The following OR2B6 variants were observed in gnomAD, a reference collection of about 807,000 sequenced individuals.
OR2B6 encodes olfactory receptor family 2 subfamily B member 6.
For synonymous variants in OR2B6, 130 were observed against 142.7 expected (o/e 0.91, Z 0.63); for missense variants, 350 against 368.9 (o/e 0.95, Z 0.42).
In OR2B6 at chr6:27,958,166, T is replaced by G; in HGVS notation, c.926T>G (p.Phe309Cys). Residue 309 changes from phenylalanine to cysteine, a missense_variant, in exon 1 of 1, where the codon TTC becomes TGC. Phe to Cys is a radical substitution (Grantham distance 205). Coordinates refer to ENST00000244623, the MANE Select transcript of OR2B6 (RefSeq NM_012367.1). ...TTTAAAAGGTTGGTTGCAAGAGTCT[T>G]CTTAATCAAGAAATAAGAAATATGC... ...EGFKRLVARV[F>C]LIKK The G allele has an allele frequency of 6.2e-7, 1 of 1,611,542 alleles. No individual in the cohort carries two copies. Among genetic ancestry groups the G allele is most frequent in the South Asian group, 1.1e-5 (1 of 90,800 alleles).
Position 27,957,842 on chromosome 6 carries a change from T to C in OR2B6, c.602T>C (p.Leu201Pro). Reference sequence around the variant, plus strand: ...ACAGCAAATGAGGCTGAACTATTCCTTGTCAGTGAGCTCTTCCATCTAATA... The same window carrying C: ...ACAGCAAATGAGGCTGAACTATTCCCTGTCAGTGAGCTCTTCCATCTAATA... ...ETTANEAELF[L>P]VSELFHLIPL... is the part of the protein sequence containing the mutation. Residue 201 changes from leucine to proline, a missense_variant, in exon 1 of 1, where the codon CTT becomes CCT. Physicochemically the swap from Leu to Pro is moderately conservative, Grantham distance 98. Transcript: ENST00000244623. 1 of 1,614,086 alleles carries C rather than the reference T, an allele frequency of 6.2e-7. No homozygotes were observed.
chr6:27,957,723 C>T lies in OR2B6; in HGVS notation c.483C>T (p.Thr161=). ...TTAGTAACTCAGTGTGGTTGTCTAC[C>T]CTGACTCTCCAGCTGCCACTCTGTG... ...TGFSNSVWLS[T]LTLQLPLCDP... Residue 161 remains threonine, a synonymous_variant, in exon 1 of 1, where the codon ACC becomes ACT. Transcript: ENST00000244623. 1.2e-6 allele frequency: 2 copies of T among 1,613,972 alleles called. No homozygotes were observed. The highest frequency in any genetic ancestry group is 1.7e-6 in the Non-Finnish European group (2 of 1,179,956).
Position 27,957,255 on chromosome 6 carries a change from T to A in OR2B6, c.15T>A (p.Asn5Lys). 1 of 1,597,438 alleles carries A rather than the reference T, an allele frequency of 6.3e-7. No homozygotes were observed. Among genetic ancestry groups the A allele is most frequent in the Non-Finnish European group, 8.5e-7 (1 of 1,171,424 alleles). Residue 5 changes from asparagine (N) to lysine (K), a missense_variant, in exon 1 of 1, where the codon AAT (asparagine) becomes AAA (lysine). Physicochemically the swap from Asn to Lys is moderately conservative, Grantham distance 94 (BLOSUM62 0). Transcript: ENST00000244623. Reference sequence around the variant, plus strand: ...AAACATTAATCATGAATTGGGTAAATGACAGCATCATACAGGAGTTTATTC... The same window carrying A: ...AAACATTAATCATGAATTGGGTAAAAGACAGCATCATACAGGAGTTTATTC... MNWV[N>K]DSIIQEFILL...
rs374107718 is a variant in OR2B6, at chr6:27,957,824, A to G, written c.584A>G (p.Asn195Ser). 6.2e-7 allele frequency: 1 copy of G among 1,614,126 alleles called. No individual in the cohort carries two copies. Among genetic ancestry groups the G allele is most frequent in the Non-Finnish European group, 8.5e-7 (1 of 1,179,994 alleles). The change falls in exon 1 of 1, where the codon AAT becomes AGT. Residue 195 changes from asparagine to serine, a missense_variant. Asn to Ser is a conservative substitution (Grantham distance 46, BLOSUM62 1). Transcript: ENST00000244623. The stretch of plus-strand genomic sequence containing the variant: ...TTATCTTGTGTTGAGACAACAGCAA[A>G]TGAGGCTGAACTATTCCTTGTCAGT... ...LKLSCVETTA[N>S]EAELFLVSEL...
Position 27,957,625 on chromosome 6 carries a change from C to T in OR2B6, c.385C>T (p.Pro129Ser). 2.5e-6 allele frequency: 4 copies of T among 1,614,042 alleles called. No individual in the cohort carries two copies. The highest frequency in any genetic ancestry group is 3.4e-6 in the Non-Finnish European group (4 of 1,179,976). ...TGATAGGTTTGTAGCTATTTGTCGG[C>T]CTCTCCATTACTCAGTTATCATGCA... The part of the protein sequence containing the change: ...SFDRFVAICR[P>S]LHYSVIMHQR... Residue 129 changes from proline to serine, a missense_variant, in exon 1 of 1, where the codon CCT (proline) becomes TCT (serine). By Grantham distance (74) the Pro-to-Ser change is moderately conservative (BLOSUM62 -1). Coordinates refer to ENST00000244623, the MANE Select transcript of OR2B6 (RefSeq NM_012367.1).
Position 27,957,407 on chromosome 6 carries a change from A to G in OR2B6, c.167A>G (p.His56Arg). The G allele has an allele frequency of 1.2e-6, 2 of 1,614,064 alleles. No individual in the cohort carries two copies. The highest frequency in any genetic ancestry group is 1.7e-6 in the Non-Finnish European group (2 of 1,179,982). Residue 56 changes from histidine to arginine, a missense_variant, in exon 1 of 1, where the codon CAT becomes CGT. By Grantham distance (29) the His-to-Arg change is conservative (BLOSUM62 0). Transcript: ENST00000244623. ...GTGTCACGCCTGGACACCAAACTTC[A>G]TACCCCCATGTATTTTTTTCTTACC... ...ILVSRLDTKL[H>R]TPMYFFLTNL... is the part of the protein sequence containing the mutation.
chr6:27,957,990 T>G lies in OR2B6; in HGVS notation c.750T>G (p.Leu250=), dbSNP rs1464288014. 4.3e-6 allele frequency: 7 copies of G among 1,613,916 alleles called. No homozygotes were observed. The highest frequency in any genetic ancestry group is 5.9e-6 in the Non-Finnish European group (7 of 1,179,940). ...TCGSHLIVVS[L]FYSTAVSVYL... Reference sequence around the variant, plus strand: ...GTTCCCATCTAATTGTGGTGTCTCTTTTTTATAGTACAGCCGTCTCTGTGT... The same window carrying G: ...GTTCCCATCTAATTGTGGTGTCTCTGTTTTATAGTACAGCCGTCTCTGTGT... The change falls in exon 1 of 1, where the codon CTT becomes CTG. Residue 250 remains leucine, a synonymous_variant. Coordinates refer to ENST00000244623, the MANE Select transcript of OR2B6 (RefSeq NM_012367.1).
chr6:27,958,038 C>T lies in OR2B6; in HGVS notation c.798C>T (p.Ser266=), dbSNP rs141737482. Reference sequence around the variant, plus strand: ...TGTACCTGCAACCACCTTCGCCCAGCTCCAAGGACCAAGGAAAGATGGTTT... The same window carrying T: ...TGTACCTGCAACCACCTTCGCCCAGTTCCAAGGACCAAGGAAAGATGGTTT... ...VSVYLQPPSP[S]SKDQGKMVSL... is the part of the protein sequence containing the mutation. Residue 266 remains serine, a synonymous_variant, in exon 1 of 1, where the codon AGC becomes AGT. Transcript: ENST00000244623. 1.1e-5 allele frequency: 17 copies of T among 1,613,916 alleles called. No individual in the cohort carries two copies. Among genetic ancestry groups the T allele is most frequent in the Admixed American group, 5.0e-5 (3 of 59,978 alleles).
rs1204536927 is a variant in OR2B6, at chr6:27,957,902, T to C, written c.662T>C (p.Ile221Thr). 13 of 1,614,034 alleles carry C rather than the reference T, an allele frequency of 8.1e-6. No individual in the cohort carries two copies. The highest frequency in any genetic ancestry group is 1.0e-5 in the Non-Finnish European group (12 of 1,180,010). The change falls in exon 1 of 1, where the codon ATT becomes ACT. Residue 221 changes from isoleucine (I) to threonine (T), a missense_variant. By Grantham distance (89) the Ile-to-Thr change is moderately conservative (BLOSUM62 -1). Transcript: ENST00000244623. ...LTLILISYAF[I>T]VRAVLRIQSA... ...CTCATCCTTATATCATATGCTTTTA[T>C]TGTCCGAGCAGTATTGAGGATACAG...
In OR2B6 at chr6:27,958,121, A is replaced by G. The variant is rs1303218662; in HGVS notation, c.881A>G (p.Asn294Ser). ...AATCCCCTTATATATACACTTAGGA[A>G]CAAGGAGGTAAAGGAAGGCTTTAAA... ...MLNPLIYTLR[N>S]KEVKEGFKRL... Residue 294 changes from asparagine to serine, a missense_variant, in exon 1 of 1, where the codon AAC becomes AGC. Physicochemically the swap from Asn to Ser is conservative, Grantham distance 46. Transcript: ENST00000244623. 3 of 1,613,702 alleles carry G rather than the reference A, an allele frequency of 1.9e-6. No individual in the cohort carries two copies. Among genetic ancestry groups the G allele is most frequent in the East Asian group, 4.5e-5 (2 of 44,894 alleles).
In OR2B6 at chr6:27,957,556, G is replaced by A. The variant is rs61739698; in HGVS notation, c.316G>A (p.Ala106Thr). 1 of 1,613,968 alleles carries A rather than the reference G, an allele frequency of 6.2e-7. No homozygotes were observed. The highest frequency in any genetic ancestry group is 2.2e-5 in the East Asian group (1 of 44,882). ...GCVAQLFIFLALGATEYLLLA... is the reference protein window; with the variant it reads ...GCVAQLFIFLTLGATEYLLLA... Reference sequence around the variant, plus strand: ...TGTAGCCCAGCTTTTCATATTTCTGGCCTTGGGGGCTACTGAATATCTTCT... The same window carrying A: ...TGTAGCCCAGCTTTTCATATTTCTGACCTTGGGGGCTACTGAATATCTTCT... Residue 106 changes from alanine to threonine, a missense_variant, in exon 1 of 1, where the codon GCC becomes ACC. Physicochemically the swap from Ala to Thr is moderately conservative, Grantham distance 58. Transcript: ENST00000244623.
rs1474474590 is a variant in OR2B6, at chr6:27,957,789, A to T, written c.549A>T (p.Ala183=). 1 of 1,613,994 alleles carries T rather than the reference A, an allele frequency of 6.2e-7. No individual in the cohort carries two copies. Among genetic ancestry groups the T allele is most frequent in the Admixed American group, 1.7e-5 (1 of 59,994 alleles). ...ATCACTTTCTCTGTGAAGTCCCTGCACTGCTCAAGTTATCTTGTGTTGAGA... is the reference window on the plus strand; with the variant it reads ...ATCACTTTCTCTGTGAAGTCCCTGCTCTGCTCAAGTTATCTTGTGTTGAGA... ...VIDHFLCEVP[A]LLKLSCVETT... The change falls in exon 1 of 1, where the codon GCA becomes GCT. Residue 183 remains alanine, a synonymous_variant. Transcript: ENST00000244623.
chr6:27,957,614 C>CTATT lies in OR2B6; in HGVS notation c.376_379dup (p.Cys127TyrfsTer29), dbSNP rs1373339853. On this transcript the variant is annotated frameshift_variant, in exon 1 of 1. Coordinates refer to ENST00000244623, the MANE Select transcript of OR2B6 (RefSeq NM_012367.1). LOFTEE classifies it low-confidence loss of function (END_TRUNC). ...GTCATGTCCTTTGATAGGTTTGTAGCTATTTGTCGGCCTCTCCATTACTCA... is the reference window on the plus strand; with the variant it reads ...GTCATGTCCTTTGATAGGTTTGTAGCTATTTATTTGTCGGCCTCTCCATTACTCA... 6.2e-7 allele frequency: 1 copy of CTATT among 1,613,932 alleles called. No homozygotes were observed. The highest frequency in any genetic ancestry group is 1.3e-5 in the African/African-American group (1 of 74,884).
In OR2B6 at chr6:27,957,360, T is replaced by C. The variant is rs144218246; in HGVS notation, c.120T>C (p.Phe40=). The C allele has an allele frequency of 1.2e-4, 194 of 1,614,074 alleles. No homozygotes were observed. The Middle Eastern group carries it at 1.8e-3, about 15-fold the overall frequency. Residue 40 remains phenylalanine (F), a synonymous_variant, in exon 1 of 1, where the codon TTT becomes TTC. Transcript: ENST00000244623. The stretch of plus-strand genomic sequence containing the variant: ...TGATTTCTTACACTGTGACCATCTT[T>C]GGCAATCTGACCATTATTCTAGTGT... ...VFLISYTVTI[F]GNLTIILVSR... is the part of the protein sequence containing the mutation.
chr6:27,957,560 TGG>T lies in OR2B6; in HGVS notation c.324_325del (p.Ala109TyrfsTer2), dbSNP rs1561769920. On this transcript the variant is annotated frameshift_variant, in exon 1 of 1. Coordinates refer to ENST00000244623, the MANE Select transcript of OR2B6 (RefSeq NM_012367.1). LOFTEE classifies it low-confidence loss of function (END_TRUNC). ...GCCCAGCTTTTCATATTTCTGGCCT[TGG>T]GGGCTACTGAATATCTTCTCCTGGC... 1.2e-6 allele frequency: 2 copies of T among 1,614,096 alleles called. No individual in the cohort carries two copies. The highest frequency in any genetic ancestry group is 3.3e-5 in the Admixed American group (2 of 59,998).
chr6:27,957,722 CCCTG>C lies in OR2B6; in HGVS notation c.483_486del (p.Thr163SerfsTer10). 1 of 1,614,042 alleles carries C rather than the reference CCCTG, an allele frequency of 6.2e-7. No individual in the cohort carries two copies. The highest frequency in any genetic ancestry group is 8.5e-7 in the Non-Finnish European group (1 of 1,179,982). ...TTTAGTAACTCAGTGTGGTTGTCTACCCTGACTCTCCAGCTGCCACTCTGTGACC... is the reference window on the plus strand; with the variant it reads ...TTTAGTAACTCAGTGTGGTTGTCTACACTCTCCAGCTGCCACTCTGTGACC... On this transcript the variant is annotated frameshift_variant, in exon 1 of 1. Coordinates refer to ENST00000244623, the MANE Select transcript of OR2B6 (RefSeq NM_012367.1). LOFTEE classifies it low-confidence loss of function (END_TRUNC).
rs1762769248 is a variant in OR2B6 at position 27,958,036 on chromosome 6, A to C, written c.796A>C (p.Ser266Arg). The C allele has an allele frequency of 6.2e-7, 1 of 1,614,038 alleles. No individual in the cohort carries two copies. Among genetic ancestry groups the C allele is most frequent in the African/African-American group, 1.3e-5 (1 of 75,048 alleles). Residue 266 changes from serine (S) to arginine (R), a missense_variant, in exon 1 of 1, where the codon AGC (serine) becomes CGC (arginine). Transcript: ENST00000244623. ...TGTGTACCTGCAACCACCTTCGCCC[A>C]GCTCCAAGGACCAAGGAAAGATGGT... ...VSVYLQPPSPSSKDQGKMVSL... is the reference protein window; with the variant it reads ...VSVYLQPPSPRSKDQGKMVSL...
Position 27,958,031 on chromosome 6 carries a change from C to T in OR2B6, c.791C>T (p.Ser264Leu), listed in dbSNP as rs376301628. Residue 264 changes from serine (S) to leucine (L), a missense_variant, in exon 1 of 1, where the codon TCG becomes TTG. Transcript: ENST00000244623. ...GTCTCTGTGTACCTGCAACCACCTT[C>T]GCCCAGCTCCAAGGACCAAGGAAAG... ...TAVSVYLQPP[S>L]PSSKDQGKMV... The T allele has an allele frequency of 2.5e-5, 41 of 1,613,910 alleles. No individual in the cohort carries two copies. Among genetic ancestry groups the T allele is most frequent in the African/African-American group, 1.2e-4 (9 of 74,890 alleles).
rs776039460 is a variant in OR2B6, at chr6:27,957,508, A to G, written c.268A>G (p.Lys90Glu). Residue 90 changes from lysine to glutamate, a missense_variant, in exon 1 of 1, where the codon AAA (lysine) becomes GAA (glutamate). Coordinates refer to ENST00000244623, the MANE Select transcript of OR2B6 (RefSeq NM_012367.1). Reference sequence around the variant, plus strand: ...GCTAGTAAATTTATGCAGCATCAGGAAAGTAATCAGTTATCGTGGCTGTGT... The same window carrying G: ...GCTAGTAAATTTATGCAGCATCAGGGAAGTAATCAGTTATCGTGGCTGTGT... ...QMLVNLCSIR[K>E]VISYRGCVAQ... 3.7e-6 allele frequency: 6 copies of G among 1,614,014 alleles called. No individual in the cohort carries two copies. The highest frequency in any genetic ancestry group is 5.1e-6 in the Non-Finnish European group (6 of 1,180,022).
Sources: gnomAD v4.1 joint callset for allele counts on GRCh38, gnomAD v4.1.1 for gene constraint, MANE v1.5 for transcripts, NCBI Gene and HGNC (gene_info 2026-07-23, HGNC 2026-07-21) for gene names.